The following PTPRD variants were observed in gnomAD, a reference collection of about 807,000 sequenced individuals.
The protein encoded by PTPRD is protein tyrosine phosphatase receptor type D.
A neutral mutation model predicts 214.5 loss-of-function variants in PTPRD; 34 were observed. The observed-to-expected ratio is 0.16, with a 90% CI of 0.12 to 0.21. PTPRD has a LOEUF of 0.21. Ranked by LOEUF, PTPRD falls within the 10% of genes least tolerant of loss-of-function variation. The pLI is 1.00. For synonymous variants in PTPRD, 1,128 were observed against 845.7 expected, an observed-to-expected ratio of 1.33 and a Z score of -5.79; for missense variants, 2,545 against 2,398.7, an observed-to-expected ratio of 1.06 and a Z score of -1.27.
chr9:9,490,126 C>T (rs2095837225), intron 8 of PTPRD, among the ~76,000 whole-genome samples: 1 of 152,004 alleles, frequency 6.6e-6, no homozygotes, highest in Admixed American at 6.6e-5. Flanking sequence ...TAAAAGAAAG[C>T]AATTGCCAAA....
At chr9:10,362,094 G>C (rs1363695188) in intron 2 of PTPRD, among the ~76,000 whole-genome samples, 1 of 152,172 alleles carries the variant, frequency 6.6e-6, no homozygotes, top group Non-Finnish European at 1.5e-5. Context: ...TAACTAATGA[G>C]ATGCTTCAGG....
chr9:9,502,050 C>G (rs1406863682), intron 8 of PTPRD, among the ~76,000 whole-genome samples: 1 of 151,806 alleles, frequency 6.6e-6, no homozygotes, highest in Non-Finnish European at 1.5e-5. Flanking sequence ...GAAACCACTA[C>G]CACAATCGAT....
chr9:8,870,912 T>C (rs1308063747), intron 11 of PTPRD, among the ~76,000 whole-genome samples: 1 of 152,164 alleles, frequency 6.6e-6, no homozygotes, highest in Non-Finnish European at 1.5e-5. Context: ...CACAGGCAGT[T>C]TGCCGTATCC....
At chr9:9,761,735 T>TA (rs943669826) in intron 6 of PTPRD, among the ~76,000 whole-genome samples, 10 of 151,396 alleles carry the variant, frequency 6.6e-5, no homozygotes, top group Admixed American at 2.0e-4. Context: ...TCGATGAAAT[T>TA]AAAAAAAAAC....
chr9:9,971,844 C>T (rs1249300220), intron 4 of PTPRD, among the ~76,000 whole-genome samples: 3 of 151,964 alleles, frequency 2.0e-5, no homozygotes, highest in East Asian at 1.9e-4. Context: ...TTAATGCTCT[C>T]GGGGCATATT....
chr9:10,093,538 G>A (rs1177148624), intron 3 of PTPRD, among the ~76,000 whole-genome samples: 1 of 151,500 alleles, frequency 6.6e-6, no homozygotes, highest in Non-Finnish European at 1.5e-5. Context: ...AAACTGTTTG[G>A]AGATTTCGCA....
intron 5 of PTPRD, among the ~76,000 whole-genome samples, chr9:9,871,323 G>T (rs1299812387): frequency 6.6e-6 from 1 of 152,158 alleles, no homozygotes; most frequent in African/African-American, 2.4e-5. Flanking sequence ...TTGCACAAGA[G>T]AAATCCATTG....
At chr9:8,351,779 G>A (rs1380621487) in intron 39 of PTPRD, among the ~76,000 whole-genome samples, 3 of 140,966 alleles carry the variant, frequency 2.1e-5, no homozygotes, top group Non-Finnish European at 4.5e-5. Context: ...AAAATCTAGA[G>A]TTAGGGAGAT....
intron 5 of PTPRD, among the ~76,000 whole-genome samples, chr9:9,840,984 G>A (rs774346248): frequency 6.6e-5 from 10 of 152,040 alleles, no homozygotes; most frequent in African/African-American, 9.7e-5. Flanking sequence ...AAGGACCACT[G>A]AGCTAGATCC....
At chr9:10,348,282 C>T (rs2097124392) in intron 2 of PTPRD, among the ~76,000 whole-genome samples, 1 of 152,224 alleles carries the variant, frequency 6.6e-6, no homozygotes, top group Non-Finnish European at 1.5e-5. Context: ...TATCCATTCA[C>T]CTATGCCAAT....
intron 3 of PTPRD, among the ~76,000 whole-genome samples, chr9:10,208,338 C>A (rs1048826869): frequency 1.3e-5 from 2 of 152,124 alleles, no homozygotes; most frequent in Non-Finnish European, 2.9e-5. Context: ...CACGGTGAAA[C>A]CCCGTCTCTA....
intron 9 of PTPRD, among the ~76,000 whole-genome samples, chr9:9,387,158 A>T (rs1021927802): frequency 6.6e-6 from 1 of 152,210 alleles, no homozygotes; most frequent in Non-Finnish European, 1.5e-5. Context: ...GGAACACAGT[A>T]CTTCAGCTAG....
chr9:10,018,927 G>A (rs35249618), intron 4 of PTPRD, among the ~76,000 whole-genome samples: 2,490 of 152,176 alleles, frequency 0.016, 26 homozygotes, highest in Non-Finnish European at 0.025. Context: ...ATTTACAAAT[G>A]GGATCTAATT....
At chr9:9,403,582 C>A (rs1163655595) in intron 8 of PTPRD, among the ~76,000 whole-genome samples, 2 of 151,764 alleles carry the variant, frequency 1.3e-5, no homozygotes, top group Non-Finnish European at 2.9e-5. Flanking sequence ...AATATTTTAA[C>A]CATGTGATAA....
chr9:10,133,137 G>A (rs940353758), intron 3 of PTPRD, among the ~76,000 whole-genome samples: 1 of 152,114 alleles, frequency 6.6e-6, no homozygotes, highest in Non-Finnish European at 1.5e-5. Flanking sequence ...GTTTACCATG[G>A]TTGGTAAAGT....
At chr9:10,418,426 T>TAAAATG (rs2098514332) in intron 2 of PTPRD, among the ~76,000 whole-genome samples, 1 of 148,426 alleles carries the variant, frequency 6.7e-6, no homozygotes, top group East Asian at 2.0e-4. Context: ...CTTCTACATT[T>TAAAATG]AAAATGAAGC....
intron 7 of PTPRD, among the ~76,000 whole-genome samples, chr9:9,620,793 C>T (rs767192043): frequency 2.0e-5 from 3 of 151,538 alleles, no homozygotes; most frequent in Admixed American, 6.6e-5. Flanking sequence ...AGAACTTTAT[C>T]GTCAGCTACA....
chr9:9,601,747 A>G (rs1483337381), intron 7 of PTPRD, among the ~76,000 whole-genome samples: 2 of 152,094 alleles, frequency 1.3e-5, no homozygotes, highest in Non-Finnish European at 2.9e-5. Flanking sequence ...GGTTAAGATC[A>G]TTGTTCTGGT....
intron 3 of PTPRD, among the ~76,000 whole-genome samples, chr9:10,047,354 T>G (rs167090): frequency 0.36 from 46,758 of 131,128 alleles, 7,462 homozygotes; most frequent in East Asian, 0.5. Flanking sequence ...GTGTGTGTGC[T>G]TGTGTGATAA....
Sources: allele counts gnomAD v4.1 joint callset (sites outside exome capture counted in the v4.1 genomes callset), GRCh38; gene constraint gnomAD v4.1.1; transcripts MANE v1.5; gene names NCBI Gene and HGNC (gene_info 2026-07-23, HGNC 2026-07-21).